Variants in RUNX2 observed in about 807,000 individuals in gnomAD.
RUNX2 encodes RUNX family transcription factor 2.
A neutral mutation model predicts 51.7 loss-of-function variants in RUNX2; 10 were observed. The ratio of observed to expected loss-of-function variants is 0.19; its 90% CI spans 0.12 to 0.33. RUNX2 has a LOEUF of 0.33. RUNX2 is among the 10% of genes least tolerant of loss of function. The pLI, the probability that RUNX2 is intolerant of heterozygous loss-of-function variation, is 1.00. For missense variants in RUNX2, 562 were observed against 691.3 expected, an observed-to-expected ratio of 0.81 and a Z score of 2.10; for synonymous variants, 276 against 273.6, an observed-to-expected ratio of 1.01 and a Z score of -0.09.
chr6:45,390,121 T>G (rs1394830632), intron 2 of RUNX2, among the ~76,000 whole-genome samples: 1 of 152,234 alleles, frequency 6.6e-6, no homozygotes, highest in Non-Finnish European at 1.5e-5. Context: ...TGTAGATAAC[T>G]CTCATTATCC....
intron 4 of RUNX2, among the ~76,000 whole-genome samples, chr6:45,436,129 T>C (rs951920851): frequency 6.6e-6 from 1 of 152,204 alleles, no homozygotes; most frequent in Admixed American, 6.5e-5. Context: ...AATGACACTT[T>C]AAAAATAGAT....
At chr6:45,497,496 T>C (rs1388306668) in intron 6 of RUNX2, among the ~76,000 whole-genome samples, 2 of 152,204 alleles carry the variant, frequency 1.3e-5, no homozygotes, top group African/African-American at 2.4e-5. Flanking sequence ...TAATATGTTA[T>C]TGTATTTCAT....
At chr6:45,418,376 G>C (rs546990290) in intron 2 of RUNX2, among the ~76,000 whole-genome samples, 5 of 152,072 alleles carry the variant, frequency 3.3e-5, no homozygotes, top group African/African-American at 4.8e-5. Flanking sequence ...GGGAGTGGTG[G>C]GTGGGATTAT....
intron 5 of RUNX2, among the ~76,000 whole-genome samples, chr6:45,443,759 A>C (rs1260096185): frequency 1.3e-5 from 2 of 152,262 alleles, no homozygotes; most frequent in Admixed American, 1.3e-4. Context: ...TCAAGTGAGA[A>C]GAACATTAGA....
chr6:45,382,822 A>G (rs892940389), intron 2 of RUNX2, among the ~76,000 whole-genome samples: 2 of 152,204 alleles, frequency 1.3e-5, no homozygotes, highest in African/African-American at 4.8e-5. Context: ...GCAGTAACCC[A>G]GGCAAAAGAT....
intron 5 of RUNX2, among the ~76,000 whole-genome samples, chr6:45,477,713 CTT>C (rs1205512995): frequency 6.6e-6 from 1 of 152,216 alleles, no homozygotes. Flanking sequence ...TATCTTCTGA[CTT>C]ATAACGTAAA....
At chr6:45,331,128 C>T (rs2021272) in intron 2 of RUNX2, among the ~76,000 whole-genome samples, 38,882 of 126,032 alleles carry the variant, frequency 0.31, 7,574 homozygotes, top group African/African-American at 0.63. Flanking sequence ...TGTGTGTGTG[C>T]GCGCGCGCGC....
chr6:45,461,461 G>A (rs556807860), intron 5 of RUNX2, among the ~76,000 whole-genome samples: 2 of 152,278 alleles, frequency 1.3e-5, no homozygotes, highest in South Asian at 2.1e-4. Flanking sequence ...AAAAGTACTC[G>A]CACAACCCCA....
intron 6 of RUNX2, among the ~76,000 whole-genome samples, chr6:45,511,649 C>A (rs1801155517): frequency 6.6e-6 from 1 of 152,146 alleles, no homozygotes; most frequent in African/African-American, 2.4e-5. Context: ...TCATTCCTGC[C>A]CTTATTCCCT....
chr6:45,531,885 T>C (rs1209383833), intron 7 of RUNX2, among the ~76,000 whole-genome samples: 2 of 152,210 alleles, frequency 1.3e-5, no homozygotes, highest in Non-Finnish European at 1.5e-5. Context: ...TATTTAACTT[T>C]GGATAATTCA....
At chr6:45,427,732 T>C (rs1210771070) in intron 3 of RUNX2, among the ~76,000 whole-genome samples, 5 of 152,140 alleles carry the variant, frequency 3.3e-5, no homozygotes, top group Non-Finnish European at 5.9e-5. Flanking sequence ...TCCATGGAAA[T>C]GTCATAGGCA....
intron 2 of RUNX2, among the ~76,000 whole-genome samples, chr6:45,415,679 C>G (rs563905045): frequency 0.16 from 324 of 2,054 alleles, 1 homozygote; most frequent in African/African-American, 0.44. Context: ...TCCTGCACTG[C>G]AGAAACTGCT....
chr6:45,539,320 A>G (rs191036982), intron 7 of RUNX2, among the ~76,000 whole-genome samples: 1 of 152,218 alleles, frequency 6.6e-6, no homozygotes, highest in Non-Finnish European at 1.5e-5. Context: ...GAAAAGTACA[A>G]TTCATTACAA....
intron 2 of RUNX2, among the ~76,000 whole-genome samples, chr6:45,351,428 G>A (rs961541292): frequency 6.6e-6 from 1 of 152,102 alleles, no homozygotes; most frequent in Admixed American, 6.6e-5. Context: ...GTGAGGAAGA[G>A]AGAAAAATAA....
intron 7 of RUNX2, among the ~76,000 whole-genome samples, chr6:45,532,454 G>T (rs1801889631): frequency 6.6e-6 from 1 of 152,008 alleles, no homozygotes; most frequent in Admixed American, 6.6e-5. Flanking sequence ...ACCCTGTGAG[G>T]CAGGGACAGC....
At chr6:45,343,164 T>G (rs1790161000) in intron 2 of RUNX2, among the ~76,000 whole-genome samples, 1 of 152,174 alleles carries the variant, frequency 6.6e-6, no homozygotes, top group Non-Finnish European at 1.5e-5. Flanking sequence ...CTCATACTCA[T>G]AGTGTGGCTC....
At chr6:45,370,258 AAGC>A (rs779783862) in intron 2 of RUNX2, among the ~76,000 whole-genome samples, 14 of 152,126 alleles carry the variant, frequency 9.2e-5, no homozygotes, top group Non-Finnish European at 5.9e-5. Context: ...TACATTTTGA[AAGC>A]AGAACTGATT....
intron 7 of RUNX2, among the ~76,000 whole-genome samples, chr6:45,522,562 G>C (rs1801539782): frequency 6.6e-6 from 1 of 152,152 alleles, no homozygotes; most frequent in South Asian, 2.1e-4. Context: ...CTTAAGATGT[G>C]ACAAGGATAT....
intron 5 of RUNX2, among the ~76,000 whole-genome samples, chr6:45,489,080 T>G (rs1416119694): frequency 1.3e-5 from 2 of 152,196 alleles, no homozygotes; most frequent in African/African-American, 2.4e-5. Context: ...TACTTTGTTC[T>G]TCAATGTACT....
Sources: allele counts gnomAD v4.1 joint callset (sites outside exome capture counted in the v4.1 genomes callset), GRCh38; gene constraint gnomAD v4.1.1; transcripts MANE v1.5; gene names NCBI Gene and HGNC (gene_info 2026-07-23, HGNC 2026-07-21).